The following NXN variants were observed in gnomAD, a reference collection of about 807,000 sequenced individuals.
The protein encoded by NXN is nucleoredoxin, also known as nucleoredoxin 1.
NXN carries 16 observed loss-of-function variants against 48.6 expected under a neutral mutation model. The ratio of observed to expected loss-of-function variants is 0.33; its 90% CI spans 0.22 to 0.50. NXN has a LOEUF of 0.50. Among genes scored for constraint, NXN ranks in the 20% least tolerant of loss-of-function variants. The pLI is 0.98. For synonymous variants in NXN, 281 were observed against 269.6 expected, an observed-to-expected ratio of 1.04 and a Z score of -0.41; for missense variants, 492 against 605.5, an observed-to-expected ratio of 0.81 and a Z score of 1.97.
chr17:948,000 G>C (rs1158069055), intron 1 of NXN, among the ~76,000 whole-genome samples: 1 of 151,920 alleles, frequency 6.6e-6, no homozygotes, highest in African/African-American at 2.4e-5. Context: ...GCAGTGAGCA[G>C]AGATGGCACC....
chr17:961,256 T>C (rs2069233473), intron 1 of NXN, among the ~76,000 whole-genome samples: 2 of 151,682 alleles, frequency 1.3e-5, no homozygotes, highest in Admixed American at 6.6e-5. Context: ...TAGCCGGGTG[T>C]GGTGGCGCGT....
intron 1 of NXN, among the ~76,000 whole-genome samples, chr17:881,723 T>C (rs3853816): frequency 0.36 from 55,067 of 152,092 alleles, 12,137 homozygotes; most frequent in East Asian, 0.61. Context: ...ACATCCATCA[T>C]TGGAAGAATG....
At chr17:900,014 C>A (rs2068522457) in intron 1 of NXN, among the ~76,000 whole-genome samples, 1 of 152,164 alleles carries the variant, frequency 6.6e-6, no homozygotes, top group Non-Finnish European at 1.5e-5. Flanking sequence ...GCCCGTAATC[C>A]CAGCACGTTG....
At chr17:838,600 G>A (rs774208621) in intron 1 of NXN, among the ~76,000 whole-genome samples, 2 of 152,134 alleles carry the variant, frequency 1.3e-5, no homozygotes, top group Non-Finnish European at 2.9e-5. Flanking sequence ...AGTGGGAAAC[G>A]GTGAAAATGG....
At chr17:828,172 T>C (rs967434626) in intron 1 of NXN, among the ~76,000 whole-genome samples, 1 of 151,676 alleles carries the variant, frequency 6.6e-6, no homozygotes, top group South Asian at 2.1e-4. Flanking sequence ...GGCACGATCT[T>C]GGCTCACTGC....
intron 1 of NXN, among the ~76,000 whole-genome samples, chr17:896,197 G>A (rs143530695): frequency 0.016 from 2,383 of 151,926 alleles, 26 homozygotes; most frequent in East Asian, 0.065. Flanking sequence ...AAAATTAGCC[G>A]GGCGTGGTGG....
intron 1 of NXN, among the ~76,000 whole-genome samples, chr17:931,653 A>T (rs1199378278): frequency 6.7e-6 from 1 of 149,584 alleles, no homozygotes. Flanking sequence ...CGGCTAACAC[A>T]GTGAAACCCT....
chr17:954,935 G>GT (rs1465892405), intron 1 of NXN, among the ~76,000 whole-genome samples: 2 of 152,198 alleles, frequency 1.3e-5, no homozygotes, highest in African/African-American at 4.8e-5. Context: ...GAGGTAACAT[G>GT]TTTGTTTTTT....
chr17:915,883 TC>T (rs1205241277), intron 1 of NXN, among the ~76,000 whole-genome samples: 2 of 152,138 alleles, frequency 1.3e-5, no homozygotes, highest in African/African-American at 4.8e-5. Context: ...AGCTGGAACT[TC>T]CAGCTGCTCC....
chr17:865,394 C>A (rs538321796), intron 1 of NXN, among the ~76,000 whole-genome samples: 25 of 152,066 alleles, frequency 1.6e-4, no homozygotes, highest in African/African-American at 4.8e-4. Context: ...AGGCATGCAC[C>A]ACCACGCCCG....
intron 1 of NXN, among the ~76,000 whole-genome samples, chr17:852,804 T>G (rs2067938348): frequency 6.6e-6 from 1 of 151,966 alleles, no homozygotes; most frequent in Non-Finnish European, 1.5e-5. Flanking sequence ...AATCGCAAAT[T>G]GGGAAGAAAG....
intron 4 of NXN, among the ~76,000 whole-genome samples, chr17:820,299 T>C (rs1480139013): frequency 6.6e-6 from 1 of 152,108 alleles, no homozygotes; most frequent in Non-Finnish European, 1.5e-5. Flanking sequence ...CTCAATAAAG[T>C]TGATGCTTAA....
chr17:940,704 A>T (rs1022284354), intron 1 of NXN, among the ~76,000 whole-genome samples: 6 of 151,558 alleles, frequency 4.0e-5, no homozygotes, highest in Admixed American at 1.3e-4. Flanking sequence ...TGCAGCCATG[A>T]ATTCACCAAA....
chr17:964,528 C>A (rs1275981399), intron 1 of NXN, among the ~76,000 whole-genome samples: 1 of 152,184 alleles, frequency 6.6e-6, no homozygotes, highest in South Asian at 2.1e-4. Flanking sequence ...AGCAACGCAT[C>A]CAAGGGTTGA....
intron 1 of NXN, among the ~76,000 whole-genome samples, chr17:845,818 A>G (rs1306753416): frequency 6.6e-6 from 1 of 152,184 alleles, no homozygotes; most frequent in East Asian, 1.9e-4. Context: ...TGTAATCCCA[A>G]CACTTCGGGA....
chr17:913,668 C>A (rs559876589), intron 1 of NXN, among the ~76,000 whole-genome samples: 1 of 152,134 alleles, frequency 6.6e-6, no homozygotes, highest in East Asian at 1.9e-4. Context: ...CCTACCCCCA[C>A]GTCCCCAGGC....
At chr17:903,998 G>A (rs1737747696) in intron 1 of NXN, among the ~76,000 whole-genome samples, 1 of 152,178 alleles carries the variant, frequency 6.6e-6, no homozygotes, top group African/African-American at 2.4e-5. Context: ...GGCTGCATTT[G>A]TAGACGCAGA....
chr17:965,651 C>G (rs983783326), intron 1 of NXN, among the ~76,000 whole-genome samples: 5 of 152,214 alleles, frequency 3.3e-5, no homozygotes, highest in Admixed American at 2.6e-4. Flanking sequence ...CGGCATAACC[C>G]CCCAACTCTA....
chr17:857,231 G>T (rs2067995234), intron 1 of NXN, among the ~76,000 whole-genome samples: 1 of 152,068 alleles, frequency 6.6e-6, no homozygotes, highest in Non-Finnish European at 1.5e-5. Flanking sequence ...TCACATGGTG[G>T]ACGTGGTCTG....
Sources: allele counts gnomAD v4.1 joint callset (sites outside exome capture counted in the v4.1 genomes callset), GRCh38; gene constraint gnomAD v4.1.1; transcripts MANE v1.5; gene names NCBI Gene and HGNC (gene_info 2026-07-23, HGNC 2026-07-21).